The following DRC8 variants were observed in gnomAD, a reference collection of about 807,000 sequenced individuals.
DRC8 encodes dynein regulatory complex subunit 8.
the DRC8 span, among the ~76,000 whole-genome samples, chr1:245,049,109 C>T: frequency 6.6e-6 from 1 of 152,024 alleles, no homozygotes; most frequent in African/African-American, 2.4e-5. The surrounding 1 kb of genome is among the most constrained non-coding windows in gnomAD (Gnocchi z 4.5). Flanking sequence ...CTCAGCCTCT[C>T]GAGTAGCTGG....
chr1:245,118,126 GC>G, the DRC8 span, among the ~76,000 whole-genome samples: 1 of 152,050 alleles, frequency 6.6e-6, no homozygotes, highest in Non-Finnish European at 1.5e-5. Context: ...CTGACTTCCT[GC>G]ACACTTAGAC....
At chr1:245,050,266 T>G in the DRC8 span, among the ~76,000 whole-genome samples, 1 of 152,200 alleles carries the variant, frequency 6.6e-6, no homozygotes, top group Admixed American at 6.5e-5. Context: ...ATTAGACGGA[T>G]TTTCGCTCTT....
At chr1:245,046,706 T>C in the DRC8 span, among the ~76,000 whole-genome samples, 1 of 152,332 alleles carries the variant, frequency 6.6e-6, no homozygotes, top group African/African-American at 2.4e-5. Context: ...CTCAAGGAAT[T>C]TGGAAGTCCT....
the DRC8 span, among the ~76,000 whole-genome samples, chr1:245,005,689 C>G: frequency 6.6e-6 from 1 of 152,128 alleles, no homozygotes; most frequent in African/African-American, 2.4e-5. Context: ...GAGTTATTCT[C>G]AAGGTGTTTA....
the DRC8 span, among the ~76,000 whole-genome samples, chr1:245,084,067 C>CCGG: frequency 1.7e-5 from 2 of 118,126 alleles, no homozygotes; most frequent in East Asian, 2.3e-4. Context: ...ATTCCGCCCC[C>CCGG]CCCCCGGCGC....
the DRC8 span, among the ~76,000 whole-genome samples, chr1:245,008,263 C>T: frequency 3.3e-5 from 5 of 151,974 alleles, no homozygotes; most frequent in African/African-American, 1.2e-4. Flanking sequence ...AGCTTTGGGA[C>T]TCTACATGAG....
the DRC8 span, among the ~76,000 whole-genome samples, chr1:245,041,053 G>A: frequency 6.6e-6 from 1 of 152,196 alleles, no homozygotes; most frequent in Non-Finnish European, 1.5e-5. Flanking sequence ...GAATTGGGGT[G>A]TGTTTAGGTG....
the DRC8 span, among the ~76,000 whole-genome samples, chr1:245,039,906 G>A: frequency 3.3e-5 from 5 of 152,126 alleles, no homozygotes; most frequent in African/African-American, 1.2e-4. Context: ...CTTTAGTACT[G>A]ATGATGTTAA....
the DRC8 span, among the ~76,000 whole-genome samples, chr1:244,974,038 TA>T: frequency 6.6e-6 from 1 of 152,226 alleles, no homozygotes; most frequent in Admixed American, 6.5e-5. Context: ...AAATTATTTT[TA>T]AAACCACTTT....
At chr1:245,093,198 C>T in the DRC8 span, among the ~76,000 whole-genome samples, 2 of 151,918 alleles carry the variant, frequency 1.3e-5, no homozygotes, top group African/African-American at 4.8e-5. Context: ...GGGGAGATAG[C>T]CGAGGTTTGC....
the DRC8 span, among the ~76,000 whole-genome samples, chr1:245,006,015 G>T: frequency 1.7e-4 from 26 of 152,188 alleles, no homozygotes; most frequent in Non-Finnish European, 2.9e-4. Flanking sequence ...TTCCTGCCTA[G>T]TGCATCTGTG....
chr1:244,995,478 C>T, the DRC8 span, among the ~76,000 whole-genome samples: 1 of 152,156 alleles, frequency 6.6e-6, no homozygotes, highest in African/African-American at 2.4e-5. Flanking sequence ...CCCACCTCAC[C>T]TTCCCGAGTA....
the DRC8 span, among the ~76,000 whole-genome samples, chr1:245,109,583 G>C: frequency 6.6e-6 from 1 of 152,216 alleles, no homozygotes; most frequent in Non-Finnish European, 1.5e-5. Flanking sequence ...CTGGCCGCAC[G>C]TACTGGGCAC....
the DRC8 span, among the ~76,000 whole-genome samples, chr1:245,047,508 G>A: frequency 4.6e-5 from 7 of 151,798 alleles, no homozygotes; most frequent in Non-Finnish European, 7.4e-5. Context: ...GGTGGCGGGC[G>A]CCTGTAATTC....
At chr1:245,028,431 CA>C in the DRC8 span, among the ~76,000 whole-genome samples, 2 of 152,106 alleles carry the variant, frequency 1.3e-5, no homozygotes, top group Admixed American at 1.3e-4. Flanking sequence ...CCTGCACTGC[CA>C]AAAAATAAAC....
At chr1:244,991,697 C>T in the DRC8 span, among the ~76,000 whole-genome samples, 1 of 152,130 alleles carries the variant, frequency 6.6e-6, no homozygotes, top group Non-Finnish European at 1.5e-5. Flanking sequence ...GCTATTACCA[C>T]CTTTTTAAAC....
chr1:244,999,047 G>A, the DRC8 span, among the ~76,000 whole-genome samples: 1 of 105,672 alleles, frequency 9.5e-6, no homozygotes, highest in Non-Finnish European at 1.8e-5. Flanking sequence ...ACGAATGTTT[G>A]GATCCTGGGT....
chr1:245,008,660 T>G, the DRC8 span, among the ~76,000 whole-genome samples: 1 of 140,620 alleles, frequency 7.1e-6, no homozygotes, highest in Non-Finnish European at 1.5e-5. Flanking sequence ...TCTCTTAACA[T>G]GTTCTCACAC....
At chr1:244,982,021 C>T in the DRC8 span, among the ~76,000 whole-genome samples, 1 of 152,194 alleles carries the variant, frequency 6.6e-6, no homozygotes, top group African/African-American at 2.4e-5. Flanking sequence ...TCCCTCACCA[C>T]CACATCAACA....
Sources: allele counts gnomAD v4.1 joint callset (sites outside exome capture counted in the v4.1 genomes callset), GRCh38; gene constraint gnomAD v4.1.1; non-coding constraint Gnocchi (gnomAD v3.1); transcripts MANE v1.5; gene names NCBI Gene and HGNC (gene_info 2026-07-23, HGNC 2026-07-21).